Variants in MAGI1 observed in about 807,000 individuals in gnomAD.
The protein encoded by MAGI1 is membrane associated guanylate kinase, WW and PDZ domain containing 1, also known as membrane-associated guanylate kinase, WW and PDZ domain-containing protein 1.
Under a neutral mutation model 139.9 loss-of-function variants are expected in MAGI1, and 58 were observed. The observed-to-expected ratio is 0.41, with a 90% CI of 0.34 to 0.52. The LOEUF (loss-of-function observed/expected upper bound fraction) is 0.52. MAGI1 is among the 20% of genes least tolerant of loss of function. The pLI, the probability that MAGI1 is intolerant of heterozygous loss-of-function variation, is 0.12. For synonymous variants in MAGI1, 812 were observed against 737.9 expected (o/e 1.10, Z -1.63); for missense variants, 1,874 against 1,901.6 (o/e 0.99, Z 0.27).
chr3:65,504,351 A>G (rs9852908), intron 2 of MAGI1, among the ~76,000 whole-genome samples: 2 of 152,250 alleles, frequency 1.3e-5, no homozygotes, highest in African/African-American at 2.4e-5. Flanking sequence ...GCCAACGTCT[A>G]TTCTTTATAT....
chr3:65,751,566 C>G (rs1386467467), intron 1 of MAGI1, among the ~76,000 whole-genome samples: 2 of 152,094 alleles, frequency 1.3e-5, no homozygotes, highest in African/African-American at 2.4e-5. Context: ...ACCAAGAGGA[C>G]AAGACAATAA....
chr3:65,934,783 TA>T (rs1460544253), intron 1 of MAGI1, among the ~76,000 whole-genome samples: 1 of 151,630 alleles, frequency 6.6e-6, no homozygotes, highest in Non-Finnish European at 1.5e-5. Flanking sequence ...TTTTTTTTTT[TA>T]AGGGGAGGTT....
At chr3:65,990,159 A>C (rs1340414770) in intron 1 of MAGI1, among the ~76,000 whole-genome samples, 1 of 152,118 alleles carries the variant, frequency 6.6e-6, no homozygotes, top group Non-Finnish European at 1.5e-5. Flanking sequence ...GAGTGAGATT[A>C]ACGTGAGGCA....
rs2106749077 is a variant in MAGI1 at position 65,364,839 on chromosome 3, C to A, written c.3290+14G>T. The A allele has an allele frequency of 6.2e-7, 1 of 1,613,376 alleles. No homozygotes were observed. The highest frequency in any genetic ancestry group is 2.2e-5 in the East Asian group (1 of 44,876). The stretch of plus-strand genomic sequence containing the variant: ...TTTTTTCCCCTTTAACAAAGGAAAC[C>A]AGTCATGTCTGACCTTGTCTCCTGG... On this transcript the variant is annotated intron_variant, in intron 19 of 22. Transcript: ENST00000402939.
chr3:66,000,481 T>C (rs2066688230), intron 1 of MAGI1, among the ~76,000 whole-genome samples: 1 of 152,176 alleles, frequency 6.6e-6, no homozygotes, highest in Admixed American at 6.5e-5. Context: ...CTAATACGAC[T>C]AAGGCAAAAA....
chr3:65,437,309 A>T (rs1277808156), intron 9 of MAGI1, 62 bp from the exon 10 acceptor site: 2 of 1,026,164 alleles, frequency 1.9e-6, no homozygotes, highest in Non-Finnish European at 3.0e-6. Context: ...GTTACTTATG[A>T]TTCACCTTAT....
chr3:65,841,840 C>G (rs183217219), intron 1 of MAGI1, among the ~76,000 whole-genome samples: 160 of 152,282 alleles, frequency 1.1e-3, no homozygotes, highest in Non-Finnish European at 2.0e-3. Context: ...TCCTTAGCAT[C>G]AGGTCCCGAA....
chr3:65,444,357 C>G (rs1213025886), intron 7 of MAGI1, among the ~76,000 whole-genome samples: 1 of 151,810 alleles, frequency 6.6e-6, no homozygotes, highest in African/African-American at 2.4e-5. Context: ...AAAATATTAC[C>G]AAAGAGTTGG....
intron 1 of MAGI1, among the ~76,000 whole-genome samples, chr3:65,683,410 T>A (rs192578091): frequency 8.6e-5 from 13 of 151,938 alleles, no homozygotes; most frequent in African/African-American, 3.1e-4. Context: ...GTATATGGGA[T>A]ACCTCCAGAC....
intron 7 of MAGI1, among the ~76,000 whole-genome samples, chr3:65,445,648 AT>A (rs1188937917): frequency 6.6e-6 from 1 of 152,186 alleles, no homozygotes; most frequent in African/African-American, 2.4e-5. Flanking sequence ...ATACCCTATA[AT>A]TCCAAAAGAA....
chr3:65,655,715 G>A (rs190747018), intron 1 of MAGI1, among the ~76,000 whole-genome samples: 59 of 152,304 alleles, frequency 3.9e-4, no homozygotes, highest in African/African-American at 1.1e-3. Context: ...AAGCACAGAC[G>A]AGCTGAGAAA....
intron 5 of MAGI1, among the ~76,000 whole-genome samples, chr3:65,454,526 T>TATAGTAATAATA (rs1553646591): frequency 1.2e-5 from 1 of 83,138 alleles, no homozygotes; most frequent in Admixed American, 1.0e-4. Context: ...AAACTGAAAG[T>TATAGTAATAATA]ATAATAATAA....
intron 2 of MAGI1, among the ~76,000 whole-genome samples, chr3:65,542,235 G>A (rs1407380182): frequency 1.3e-5 from 2 of 152,132 alleles, no homozygotes; most frequent in African/African-American, 2.4e-5. Flanking sequence ...ACTCTTCAAG[G>A]AGAATTACAA....
intron 1 of MAGI1, among the ~76,000 whole-genome samples, chr3:65,865,415 G>C (rs572711566): frequency 6.6e-6 from 1 of 152,174 alleles, no homozygotes; most frequent in East Asian, 1.9e-4. Context: ...AGGCAACATG[G>C]TGAGACATCA....
rs547558596 is a variant in MAGI1 at position 65,610,202 on chromosome 3, T to C, written c.430+11770A>G. Among the ~76,000 whole-genome samples, 17 of 152,278 alleles carry C rather than the reference T, an allele frequency of 1.1e-4. No individual in the cohort carries two copies. The South Asian group carries it at 3.3e-3, about 30-fold the overall frequency. On this transcript the variant is annotated intron_variant, in intron 2 of 22. Coordinates refer to ENST00000402939, the MANE Select transcript of MAGI1 (RefSeq NM_001033057.2). ...GACTCAAGTGGATTGGAATGGGGTA[T>C]CTAATTCTGAAGCAATGCAAGACAC... is the stretch of plus-strand genomic sequence containing the variant.
chr3:65,550,780 C>A (rs868069453), intron 2 of MAGI1, among the ~76,000 whole-genome samples: 1 of 147,690 alleles, frequency 6.8e-6, no homozygotes, highest in South Asian at 2.2e-4. Flanking sequence ...GCTTTGACAA[C>A]AGAGGGAGAC....
chr3:65,871,296 T>C (rs1226189006), intron 1 of MAGI1, among the ~76,000 whole-genome samples: 1 of 152,064 alleles, frequency 6.6e-6, no homozygotes, highest in African/African-American at 2.4e-5. Flanking sequence ...ACTGAATGCC[T>C]CAAGGTGGGA....
intron 3 of MAGI1, among the ~76,000 whole-genome samples, chr3:65,485,330 A>G (rs560228708): frequency 6.6e-6 from 1 of 152,136 alleles, no homozygotes; most frequent in Non-Finnish European, 1.5e-5. Context: ...CCACTGTTCT[A>G]TAATTAGCAG....
chr3:65,898,689 G>C (rs1238970158), intron 1 of MAGI1, among the ~76,000 whole-genome samples: 2 of 151,958 alleles, frequency 1.3e-5, no homozygotes, highest in African/African-American at 4.8e-5. Flanking sequence ...GCAACCAAAG[G>C]CAAAGTAATA....
Sources: allele counts gnomAD v4.1 joint callset (sites outside exome capture counted in the v4.1 genomes callset), GRCh38; gene constraint gnomAD v4.1.1; transcripts MANE v1.5; gene names NCBI Gene and HGNC (gene_info 2026-07-23, HGNC 2026-07-21).